TENT5C: variants seen among roughly 807,000 people sequenced by gnomAD.
TENT5C encodes the protein terminal nucleotidyltransferase 5C.
A neutral mutation model predicts 22.2 loss-of-function variants in TENT5C; 5 were observed. The ratio of observed to expected loss-of-function variants is 0.22; its 90% CI spans 0.12 to 0.47. The LOEUF (loss-of-function observed/expected upper bound fraction) is 0.47. Among genes scored for constraint, TENT5C ranks in the 20% least tolerant of loss-of-function variants. The pLI is 0.99. For synonymous variants in TENT5C, 199 were observed against 195.4 expected (o/e 1.02, Z -0.15); for missense variants, 364 against 500.9 (o/e 0.73, Z 2.61).
Position 117,624,387 on chromosome 1 carries a change from C to G in TENT5C, c.*343C>G. ...ATCGAGATTGGGAGAATTTGGGCAG[C>G]GCGTGAGAAGTGCTAAGCTACTTGT... On this transcript the variant is annotated 3_prime_UTR_variant, in exon 2 of 2. Coordinates refer to ENST00000369448, the MANE Select transcript of TENT5C (RefSeq NM_017709.4). 1 of 305,544 alleles carries G rather than the reference C, an allele frequency of 3.3e-6. No homozygotes were observed. Among genetic ancestry groups the G allele is most frequent in the Non-Finnish European group, 6.4e-6 (1 of 155,536 alleles). The allele number at this position is 305,544 out of a possible 1,614,324, so 18.9% of individuals were successfully genotyped here.
rs760319061 is a variant in TENT5C at position 117,623,279 on chromosome 1, A to G, written c.411A>G (p.Ala137=). 1.2e-6 allele frequency: 2 copies of G among 1,614,194 alleles called. No individual in the cohort carries two copies. The highest frequency in any genetic ancestry group is 1.7e-6 in the Non-Finnish European group (2 of 1,180,030). Residue 137 remains alanine, a synonymous_variant, in exon 2 of 2, where the codon GCA becomes GCG. Transcript: ENST00000369448. ...TCAGTCCAGTCACTCTGAAGGAGGCATATGTGCAGAAGCTAGTGAAGGTTT... is the reference window on the plus strand; with the variant it reads ...TCAGTCCAGTCACTCTGAAGGAGGCGTATGTGCAGAAGCTAGTGAAGGTTT... ...LKISPVTLKE[A]YVQKLVKVCT... is the part of the protein sequence containing the mutation.
At chr1:117,619,888 A>G (rs1424264427) in intron 1 of TENT5C, among the ~76,000 whole-genome samples, 1 of 152,212 alleles carries the variant, frequency 6.6e-6, no homozygotes, top group Non-Finnish European at 1.5e-5. Context: ...TTGGGCCAAT[A>G]ACATGCTGTT....
rs528757912 is a variant in TENT5C at position 117,606,428 on chromosome 1, A to G, written c.-28+275A>G. Among the ~76,000 whole-genome samples the G allele has an allele frequency of 4.6e-5, 7 of 152,182 alleles. No individual in the cohort carries two copies. The East Asian group carries it at 1.4e-3, about 29-fold the overall frequency. On this transcript the variant is annotated intron_variant, in intron 1 of 1. Coordinates refer to ENST00000369448, the MANE Select transcript of TENT5C (RefSeq NM_017709.4). ...GAAAGGGAGCTACAACTTTCCAGAG[A>G]CCTGGGGCTTGGCAAACTCCAGCGA...
Position 117,624,110 on chromosome 1 carries a change from C to G in TENT5C, c.*66C>G. The stretch of plus-strand genomic sequence containing the variant: ...GGCTAGGGCTCTCAGGTAGGGGAGC[C>G]TCCTTCTAGATGTAGGCATTTGGCT... On this transcript the variant is annotated 3_prime_UTR_variant, in exon 2 of 2. Transcript: ENST00000369448. 7.2e-7 allele frequency: 1 copy of G among 1,384,996 alleles called. No homozygotes were observed. 85.8% of individuals were successfully genotyped at this position (1,384,996 alleles called of 1,614,324 possible). A position where few individuals can be genotyped will look rare whatever the true frequency, so the allele number is the denominator to read the frequency against.
At position 117,618,527 on chromosome 1, in the gene TENT5C, A is replaced by C. The variant is rs369482331; in HGVS notation, c.-27-4315A>C. Among the ~76,000 whole-genome samples the C allele has an allele frequency of 1.7e-4, 25 of 149,726 alleles. 2 individuals carry two copies. In the South Asian group the frequency reaches 5.4e-3, roughly 32 times the overall value. On this transcript the variant is annotated intron_variant, in intron 1 of 1. Transcript: ENST00000369448. Reference sequence around the variant, plus strand: ...GTAGAGATCAGCATTTACATCTTGGAGGTGAAGCTTCCAAGTGTACTTAAT... The same window carrying C: ...GTAGAGATCAGCATTTACATCTTGGCGGTGAAGCTTCCAAGTGTACTTAAT...
chr1:117,626,288 GT>G lies in TENT5C; in HGVS notation c.*2250del, dbSNP rs573530048. 3.1e-4 allele frequency: 76 copies of G among 247,714 alleles called. 1 individual carries two copies. The highest frequency in any genetic ancestry group is 1.2e-3 in the Middle Eastern group (1 of 808). 15.3% of individuals were successfully genotyped at this position (247,714 alleles called of 1,614,324 possible). ...TGTCCTTGGGGTTCTTTCTGCTTAT[GT>G]TTTTTCCCCCCCATCTGGTAATAGT... On this transcript the variant is annotated 3_prime_UTR_variant, in exon 2 of 2. Coordinates refer to ENST00000369448, the MANE Select transcript of TENT5C (RefSeq NM_017709.4).
In TENT5C at chr1:117,625,284, A is replaced by G. The variant is rs76074370; in HGVS notation, c.*1240A>G. 0.021 allele frequency: 5,266 copies of G among 248,080 alleles called. 264 individuals carry two copies. Among genetic ancestry groups the G allele is most frequent in the African/African-American group, 0.1 (4,748 of 45,384 alleles). The allele number at this position is 248,080 out of a possible 1,614,324, so 15.4% of individuals were successfully genotyped here. ...TAGCATGAAGTCTGGCCTTGTGTGC[A>G]TTGGAGCTTCCAAGGCACTTTGAAA... On this transcript the variant is annotated 3_prime_UTR_variant, in exon 2 of 2. Transcript: ENST00000369448.
At chr1:117,617,717 G>A (rs981772807) in intron 1 of TENT5C, among the ~76,000 whole-genome samples, 1 of 152,196 alleles carries the variant, frequency 6.6e-6, no homozygotes, top group Non-Finnish European at 1.5e-5. Flanking sequence ...GGGAATGTGT[G>A]TTCCACGTGA....
Position 117,627,590 on chromosome 1 carries a change from G to A in TENT5C, c.*3546G>A, listed in dbSNP as rs1285105209. Reference sequence around the variant, plus strand: ...ATTCCTTCCTGGGTGTCGGACCAGGGCTCTGTGTCAGGGAAAACCTTCTGG... The same window carrying A: ...ATTCCTTCCTGGGTGTCGGACCAGGACTCTGTGTCAGGGAAAACCTTCTGG... On this transcript the variant is annotated 3_prime_UTR_variant, in exon 2 of 2. Transcript: ENST00000369448. The A allele has an allele frequency of 4.0e-6, 1 of 247,986 alleles. No homozygotes were observed. The highest frequency in any genetic ancestry group is 8.5e-6 in the Non-Finnish European group (1 of 118,100). The allele number at this position is 247,986 out of a possible 1,614,324, so 15.4% of individuals were successfully genotyped here. A position where few individuals can be genotyped will look rare whatever the true frequency, so the allele number is the denominator to read the frequency against.
chr1:117,623,730 T>C lies in TENT5C; in HGVS notation c.862T>C (p.Leu288=), dbSNP rs758092069. ...FPDILEQQRK[L]ETYLQNHFAE... The stretch of plus-strand genomic sequence containing the variant: ...GGACATCCTTGAACAGCAGAGGAAG[T>C]TGGAGACTTACCTTCAAAACCACTT... Residue 288 remains leucine, a synonymous_variant, in exon 2 of 2, where the codon TTG becomes CTG. Transcript: ENST00000369448. 1.2e-6 allele frequency: 2 copies of C among 1,614,118 alleles called. No individual in the cohort carries two copies. The highest frequency in any genetic ancestry group is 1.7e-6 in the Non-Finnish European group (2 of 1,180,026).
rs374632899 is a variant in TENT5C at position 117,622,860 on chromosome 1, C to T, written c.-9C>T. The stretch of plus-strand genomic sequence containing the variant: ...CTTTCAGTTTCCCCAGCCAGAACAT[C>T]CCCTGAAGATGGCAGAGGAGAGCAG... On this transcript the variant is annotated 5_prime_UTR_variant, in exon 2 of 2. Coordinates refer to ENST00000369448, the MANE Select transcript of TENT5C (RefSeq NM_017709.4). The T allele has an allele frequency of 5.0e-6, 8 of 1,603,400 alleles. No homozygotes were observed. The highest frequency in any genetic ancestry group is 6.8e-6 in the Non-Finnish European group (8 of 1,171,358).
At chr1:117,613,230 A>G (rs1000198191) in intron 1 of TENT5C, among the ~76,000 whole-genome samples, 1 of 152,222 alleles carries the variant, frequency 6.6e-6, no homozygotes, top group African/African-American at 2.4e-5. Context: ...TAATGCTGAC[A>G]CCTTGGAAAA....
At chr1:117,619,517 C>T (rs17656269) in intron 1 of TENT5C, among the ~76,000 whole-genome samples, 42,196 of 151,852 alleles carry the variant, frequency 0.28, 6,275 homozygotes, top group Non-Finnish European at 0.32. Flanking sequence ...TGCCTTCTGA[C>T]TTTATGGTGT....
intron 1 of TENT5C, among the ~76,000 whole-genome samples, chr1:117,616,792 A>G (rs576441874): frequency 1.3e-5 from 2 of 152,370 alleles, no homozygotes; most frequent in Non-Finnish European, 2.9e-5. Context: ...GGTAACACTT[A>G]GTTGCCTCTG....
rs1360555802 is a variant in TENT5C at position 117,626,497 on chromosome 1, C to T, written c.*2453C>T. ...TATCAGGGTTAAAAGCTGCACTGAC[C>T]AAAGCTGTACTTTTAAAACACAACC... On this transcript the variant is annotated 3_prime_UTR_variant, in exon 2 of 2. Coordinates refer to ENST00000369448, the MANE Select transcript of TENT5C (RefSeq NM_017709.4). 4.0e-6 allele frequency: 1 copy of T among 247,750 alleles called. No homozygotes were observed. Among genetic ancestry groups the T allele is most frequent in the Non-Finnish European group, 8.5e-6 (1 of 118,002 alleles). 15.3% of individuals were successfully genotyped at this position (247,750 alleles called of 1,614,324 possible).
Position 117,626,442 on chromosome 1 carries a change from T to G in TENT5C, c.*2398T>G, listed in dbSNP as rs1654015092. On this transcript the variant is annotated 3_prime_UTR_variant, in exon 2 of 2. Coordinates refer to ENST00000369448, the MANE Select transcript of TENT5C (RefSeq NM_017709.4). ...CCTTTTTAGTCAGCTCAGATCTTTT[T>G]GTAGTTTGAGAATAGACCTATTCAA... 1.2e-5 allele frequency: 3 copies of G among 247,966 alleles called. No homozygotes were observed. The highest frequency in any genetic ancestry group is 2.5e-5 in the Non-Finnish European group (3 of 118,008). The allele number at this position is 247,966 out of a possible 1,614,324, so 15.4% of individuals were successfully genotyped here.
chr1:117,624,356 G>A lies in TENT5C; in HGVS notation c.*312G>A, dbSNP rs2101080912. The A allele has an allele frequency of 2.9e-6, 1 of 349,614 alleles. No individual in the cohort carries two copies. Among genetic ancestry groups the A allele is most frequent in the South Asian group, 9.2e-5 (1 of 10,814 alleles). The allele number at this position is 349,614 out of a possible 1,614,324, so 21.7% of individuals were successfully genotyped here. Reference sequence around the variant, plus strand: ...TTAGCACGTGGGGGTTGAGCTCTGTGCAGTAATCGAGATTGGGAGAATTTG... The same window carrying A: ...TTAGCACGTGGGGGTTGAGCTCTGTACAGTAATCGAGATTGGGAGAATTTG... On this transcript the variant is annotated 3_prime_UTR_variant, in exon 2 of 2. Coordinates refer to ENST00000369448, the MANE Select transcript of TENT5C (RefSeq NM_017709.4).
intron 1 of TENT5C, among the ~76,000 whole-genome samples, chr1:117,618,322 G>GA (rs907406573): frequency 4.2e-4 from 62 of 148,114 alleles, no homozygotes; most frequent in African/African-American, 1.5e-3. Flanking sequence ...CTGTGAAACT[G>GA]AAAAAAAAAA....
chr1:117,622,815 ACT>A (rs1353396259), intron 1 of TENT5C, 25 bp from the exon 2 acceptor site: 2 of 1,522,862 alleles, frequency 1.3e-6, no homozygotes, highest in Non-Finnish European at 1.8e-6. Flanking sequence ...GTGAATCCTA[ACT>A]CTGCTTCTCA....
Sources: gnomAD v4.1 joint callset for allele counts (sites outside exome capture counted in the v4.1 genomes callset) on GRCh38, gnomAD v4.1.1 for gene constraint, MANE v1.5 for transcripts, NCBI Gene and HGNC (gene_info 2026-07-23, HGNC 2026-07-21) for gene names.